The following PTPRN2 variants were observed in gnomAD, a reference collection of about 807,000 sequenced individuals.
The protein encoded by PTPRN2 is receptor-type tyrosine-protein phosphatase N2.
In PTPRN2, 74 loss-of-function variants were observed where a neutral mutation model predicts 118.8. That is an observed-to-expected ratio of 0.62 (90% CI 0.52 to 0.76). The LOEUF (loss-of-function observed/expected upper bound fraction) is 0.76. Ranked by LOEUF, PTPRN2 falls within the 30% of genes least tolerant of loss-of-function variation. The pLI, the probability that PTPRN2 is intolerant of heterozygous loss-of-function variation, is 0.00. For synonymous variants in PTPRN2, 641 were observed against 608.0 expected (o/e 1.05, Z -0.80); for missense variants, 1,481 against 1,394.4 (o/e 1.06, Z -0.99).
intron 2 of PTPRN2, among the ~76,000 whole-genome samples, chr7:158,372,629 A>G (rs992209135): frequency 7.3e-5 from 11 of 150,230 alleles, no homozygotes; most frequent in African/African-American, 2.7e-4. Context: ...TGGTCCCCGG[A>G]GCTGGTCCCC....
At chr7:158,155,556 TCATCATCATTGC>T (rs1821667654) in intron 6 of PTPRN2, among the ~76,000 whole-genome samples, 1 of 83,248 alleles carries the variant, frequency 1.2e-5, no homozygotes, top group African/African-American at 4.9e-5. Flanking sequence ...ATCAACACCA[TCATCATCATTGC>T]CATCATCACC....
chr7:158,456,460 C>T lies in PTPRN2; in HGVS notation c.163+33275G>A, dbSNP rs552816587. Reference sequence around the variant, plus strand: ...TCTGCAGAGAACATAATGGCACGGACGCCATCGGCAATGGCCCCCCATTGC... The same window carrying T: ...TCTGCAGAGAACATAATGGCACGGATGCCATCGGCAATGGCCCCCCATTGC... On this transcript the variant is annotated intron_variant, in intron 2 of 22. Coordinates refer to ENST00000389418, the MANE Select transcript of PTPRN2 (RefSeq NM_002847.5). Among the ~76,000 whole-genome samples, 888 of 148,346 alleles carry T rather than the reference C, an allele frequency of 6.0e-3. 10 individuals are homozygous for T. Among genetic ancestry groups the T allele is most frequent in the African/African-American group, 0.02 (821 of 40,088 alleles).
intron 11 of PTPRN2, among the ~76,000 whole-genome samples, chr7:157,941,993 T>TTCCAGAGGAGGTGATCTTGAGG (rs1563259781): frequency 7.9e-5 from 12 of 151,634 alleles, no homozygotes; most frequent in African/African-American, 2.9e-4. Flanking sequence ...CAGCACACCT[T>TTCCAGAGGAGGTGATCTTGAGG]CAAATATGGG....
intron 11 of PTPRN2, among the ~76,000 whole-genome samples, chr7:157,922,909 A>G (rs1170405677): frequency 6.6e-6 from 1 of 152,262 alleles, no homozygotes; most frequent in African/African-American, 2.4e-5. Context: ...ATTACAAATG[A>G]TGCCACCAGT....
At chr7:157,961,909 G>T (rs888779997) in intron 11 of PTPRN2, among the ~76,000 whole-genome samples, 1 of 151,814 alleles carries the variant, frequency 6.6e-6, no homozygotes, top group Non-Finnish European at 1.5e-5. Context: ...GGCGGCGGCC[G>T]CACCGGGACC....
intron 11 of PTPRN2, among the ~76,000 whole-genome samples, chr7:158,066,461 C>T (rs977989052): frequency 6.6e-6 from 1 of 152,236 alleles, no homozygotes; most frequent in Non-Finnish European, 1.5e-5. Flanking sequence ...GCTTCCTTTC[C>T]TTCAACCACC....
intron 3 of PTPRN2, among the ~76,000 whole-genome samples, chr7:158,253,264 A>C (rs181102244): frequency 1.6e-3 from 244 of 151,154 alleles, no homozygotes; most frequent in Non-Finnish European, 2.9e-3. Context: ...GGACTGGAGG[A>C]CTGACCGGGG....
At chr7:157,872,052 C>CACAT (rs1811092509) in intron 12 of PTPRN2, among the ~76,000 whole-genome samples, 2 of 128,754 alleles carry the variant, frequency 1.6e-5, no homozygotes, top group African/African-American at 3.1e-5. Flanking sequence ...TCCCCACACA[C>CACAT]ACCCAGTGTC....
At chr7:158,351,931 G>GCCTCCTGACCA in intron 2 of PTPRN2, among the ~76,000 whole-genome samples, 1 of 108,200 alleles carries the variant, frequency 9.2e-6, no homozygotes, top group African/African-American at 3.4e-5. Context: ...CCTCCTGTCC[G>GCCTCCTGACCA]CTCCCCTCCT....
intron 11 of PTPRN2, among the ~76,000 whole-genome samples, chr7:157,978,304 A>G (rs1210242319): frequency 6.6e-6 from 1 of 151,942 alleles, no homozygotes; most frequent in African/African-American, 2.4e-5. Flanking sequence ...GTGGCTTTGC[A>G]AAGACGTCTT....
chr7:158,456,900 C>T (rs1430511108), intron 2 of PTPRN2, among the ~76,000 whole-genome samples: 1 of 152,212 alleles, frequency 6.6e-6, no homozygotes, highest in Non-Finnish European at 1.5e-5. Context: ...CCATCTCCCA[C>T]AGCACCAGGA....
chr7:157,885,337 G>A (rs1047436729), intron 12 of PTPRN2, among the ~76,000 whole-genome samples: 2 of 152,166 alleles, frequency 1.3e-5, no homozygotes, highest in African/African-American at 2.4e-5. Flanking sequence ...GCCCAGGTGG[G>A]CCTGGGCTGG....
At chr7:157,624,293 C>T (rs190764380) in intron 14 of PTPRN2, among the ~76,000 whole-genome samples, 32 of 151,994 alleles carry the variant, frequency 2.1e-4, no homozygotes, top group African/African-American at 6.8e-4. Flanking sequence ...TGGTGGCGGG[C>T]GCCTCTAAGC....
intron 12 of PTPRN2, among the ~76,000 whole-genome samples, chr7:157,743,789 C>T (rs1384693812): frequency 1.3e-5 from 2 of 152,102 alleles, no homozygotes; most frequent in African/African-American, 2.4e-5. Flanking sequence ...GCTGGGATAA[C>T]AATCTCCAGG....
At chr7:158,307,007 C>T (rs1801355618) in intron 3 of PTPRN2, among the ~76,000 whole-genome samples, 1 of 152,026 alleles carries the variant, frequency 6.6e-6, no homozygotes, top group East Asian at 1.9e-4. Flanking sequence ...ACTGGGATTA[C>T]AGGCATGCAC....
At chr7:158,366,435 G>A (rs545941883) in intron 2 of PTPRN2, among the ~76,000 whole-genome samples, 53 of 141,140 alleles carry the variant, frequency 3.8e-4, no homozygotes, top group African/African-American at 1.1e-3. Flanking sequence ...CAATGCACGC[G>A]TGCACACGCA....
chr7:158,370,788 C>T (rs1208392145), intron 2 of PTPRN2, among the ~76,000 whole-genome samples: 1 of 152,088 alleles, frequency 6.6e-6, no homozygotes, highest in Non-Finnish European at 1.5e-5. Flanking sequence ...TCAATAAAGG[C>T]TGGGAGAACC....
chr7:158,514,530 C>T (rs916789441), intron 1 of PTPRN2, among the ~76,000 whole-genome samples: 4 of 152,264 alleles, frequency 2.6e-5, no homozygotes, highest in South Asian at 2.1e-4. Flanking sequence ...CTGTGAGACA[C>T]GACACATCCC....
chr7:158,095,714 T>C (rs1208314557), intron 10 of PTPRN2, among the ~76,000 whole-genome samples: 5 of 152,190 alleles, frequency 3.3e-5, no homozygotes, highest in East Asian at 1.9e-4. Context: ...ACTGAGGCCC[T>C]GCCTTCAAGG....
Sources: gnomAD v4.1 joint callset for allele counts (sites outside exome capture counted in the v4.1 genomes callset) on GRCh38, gnomAD v4.1.1 for gene constraint, MANE v1.5 for transcripts, NCBI Gene and HGNC (gene_info 2026-07-23, HGNC 2026-07-21) for gene names.